Variants in ACTN3 observed in about 807,000 individuals in gnomAD.
The protein encoded by ACTN3 is actinin alpha 3.
Under a neutral mutation model 119.6 loss-of-function variants are expected in ACTN3, and 91 were observed. The ratio of observed to expected loss-of-function variants is 0.76; its 90% CI spans 0.64 to 0.91. The LOEUF is 0.91. Among genes scored for constraint, ACTN3 ranks in the 40% least tolerant of loss-of-function variants. ACTN3 has a pLI of 0.00. For missense variants in ACTN3, 1,221 were observed against 1,215.1 expected (o/e 1.00, Z -0.07); for synonymous variants, 456 against 478.8 (o/e 0.95, Z 0.62).
chr11:66,555,109 C>A, intron 5 of ACTN3, 21 bp from the exon 6 acceptor site: 2 of 1,612,816 alleles, frequency 1.2e-6, no homozygotes, highest in Non-Finnish European at 1.7e-6. Context: ...CAGGCCTGAC[C>A]CCCCTCTTCT....
intron 3 of ACTN3, among the ~76,000 whole-genome samples, chr11:66,552,870 TCTCTCTCTCTCACA>T (rs56928794): frequency 0.17 from 18,796 of 109,716 alleles, 1,224 homozygotes; most frequent in African/African-American, 0.2. Flanking sequence ...TCTCTCTCTC[TCTCTCTCTCTCACA>T]CACACACACA....
intron 8 of ACTN3, 82 bp from the exon 9 acceptor site, chr11:66,557,051 G>A (rs1437535179): frequency 3.2e-5 from 38 of 1,171,866 alleles, no homozygotes; most frequent in African/African-American, 3.0e-4. Flanking sequence ...GTGAGCCACC[G>A]CGCTCGGCGG....
At position 66,558,134 on chromosome 11, in the gene ACTN3, G is replaced by C; in HGVS notation, c.1236G>C (p.Lys412Asn). 1 of 1,613,890 alleles carries C rather than the reference G, an allele frequency of 6.2e-7. No individual in the cohort carries two copies. Among genetic ancestry groups the C allele is most frequent in the Admixed American group, 1.7e-5 (1 of 60,024 alleles). ...RLQRLQHLAE[K>N]FRQKASLHEA... Reference sequence around the variant, plus strand: ...AGCGACTCCAGCACCTGGCTGAGAAGTTCCGGCAGAAGGCCTCCCTGCACG... The same window carrying C: ...AGCGACTCCAGCACCTGGCTGAGAACTTCCGGCAGAAGGCCTCCCTGCACG... The change falls in exon 11 of 21, where the codon AAG becomes AAC. Residue 412 changes from lysine to asparagine, a missense_variant. Physicochemically the swap from Lys to Asn is moderately conservative, Grantham distance 94 (BLOSUM62 0). Coordinates refer to ENST00000513398, the MANE Select transcript of ACTN3 (RefSeq NM_001104.4).
chr11:66,551,442 A>T (rs908523380), intron 2 of ACTN3, 86 bp from the exon 3 acceptor site: 1 of 1,568,252 alleles, frequency 6.4e-7, no homozygotes, highest in South Asian at 1.2e-5. Context: ...GTTGGACGGG[A>T]CTTGGTGGGG....
chr11:66,557,776 C>T lies in ACTN3; in HGVS notation c.975C>T (p.Arg325=), dbSNP rs1446962405. ...AGCCCAGCATGAGTGCCATGCAGCG[C>T]AAACTAGAGGACTTTCGGGACTACC... is the stretch of plus-strand genomic sequence containing the variant. ...VGEPSMSAMQ[R]KLEDFRDYRR... is the part of the protein sequence containing the mutation. The change falls in exon 10 of 21, where the codon CGC becomes CGT. Residue 325 remains arginine, a synonymous_variant. Coordinates refer to ENST00000513398, the MANE Select transcript of ACTN3 (RefSeq NM_001104.4). 1.9e-6 allele frequency: 3 copies of T among 1,613,712 alleles called. No individual in the cohort carries two copies. Among genetic ancestry groups the T allele is most frequent in the Non-Finnish European group, 2.5e-6 (3 of 1,179,888 alleles).
chr11:66,553,255 C>T (rs1441106780), intron 3 of ACTN3, among the ~76,000 whole-genome samples: 1 of 149,766 alleles, frequency 6.7e-6, no homozygotes, highest in Non-Finnish European at 1.5e-5. Context: ...CTCTGTCACC[C>T]CCCAAAAAAT....
chr11:66,561,603 T>C lies in ACTN3; in HGVS notation c.2141T>C (p.Val714Ala). Residue 714 changes from valine to alanine, a missense_variant, in exon 17 of 21, where the codon GTG becomes GCG. Around this residue, in one of 3 missense-constraint regions of ACTN3, gnomAD observed 934 missense variants for 899.9 expected, o/e 1.04. Transcript: ENST00000513398. ...CACCAGCTGCTGCAGGAGAGCCTGG[T>C]GTTCGACAATAAGCACACCGTCTAC... ...GDHQLLQESLVFDNKHTVYSM... is the reference protein window; with the variant it reads ...GDHQLLQESLAFDNKHTVYSM... 1 of 1,612,842 alleles carries C rather than the reference T, an allele frequency of 6.2e-7. No individual in the cohort carries two copies. The highest frequency in any genetic ancestry group is 8.5e-7 in the Non-Finnish European group (1 of 1,179,516).
chr11:66,563,064 C>T lies in ACTN3; in HGVS notation c.2577C>T (p.Arg859=), dbSNP rs774677359. 2 of 1,612,478 alleles carry T rather than the reference C, an allele frequency of 1.2e-6. No homozygotes were observed. The highest frequency in any genetic ancestry group is 1.7e-5 in the Admixed American group (1 of 59,958). ...KNYITPEELR[R]ELPAKQAEYC... ...ACATCACCCCCGAGGAGCTGCGGCGCGAGCTCCCTGCCAAGCAGGCCGAGT... is the reference window on the plus strand; with the variant it reads ...ACATCACCCCCGAGGAGCTGCGGCGTGAGCTCCCTGCCAAGCAGGCCGAGT... Residue 859 remains arginine, a synonymous_variant, in exon 21 of 21, where the codon CGC becomes CGT. Transcript: ENST00000513398.
Position 66,562,157 on chromosome 11 carries a change from C to T in ACTN3, c.2311C>T (p.His771Tyr). 1 of 1,614,034 alleles carries T rather than the reference C, an allele frequency of 6.2e-7. No homozygotes were observed. ...CAACGAGTTCCGAGCATCCTTCAACCACTTTGACAGGGTCAGCAGGGGCCT... is the reference window on the plus strand; with the variant it reads ...CAACGAGTTCCGAGCATCCTTCAACTACTTTGACAGGGTCAGCAGGGGCCT... The part of the protein sequence containing the change: ...QLNEFRASFN[H>Y]FDRKQNGMME... The change falls in exon 18 of 21, where the codon CAC becomes TAC. Residue 771 changes from histidine (H) to tyrosine (Y), a missense_variant. By Grantham distance (83) the His-to-Tyr change is moderately conservative (BLOSUM62 2). Coordinates refer to ENST00000513398, the MANE Select transcript of ACTN3 (RefSeq NM_001104.4).
At chr11:66,560,784 C>T (rs956738324) in intron 15 of ACTN3, 29 bp downstream of exon 15, 1 of 1,585,626 alleles carries the variant, frequency 6.3e-7, no homozygotes, top group Middle Eastern at 1.7e-4. Flanking sequence ...CTTCCTCCCA[C>T]CCCCTCCTGC....
chr11:66,551,541 TAGGCCAGATAA>T lies in ACTN3; in HGVS notation c.281_291del (p.Pro94GlnfsTer11). 6.2e-7 allele frequency: 1 copy of T among 1,613,952 alleles called. No homozygotes were observed. The highest frequency in any genetic ancestry group is 1.1e-5 in the South Asian group (1 of 91,056). On this transcript the variant is annotated frameshift_variant, in exon 3 of 21. Coordinates refer to ENST00000513398, the MANE Select transcript of ACTN3 (RefSeq NM_001104.4). LOFTEE classifies it high-confidence loss of function. ...TCTTAAACCCAGGTGAGAGGCTGCC[TAGGCCAGATAA>T]AGGCAAGATGCGCTTCCACAAAATC...
Position 66,562,128 on chromosome 11 carries a change from A to G in ACTN3, c.2282A>G (p.Gln761Arg), listed in dbSNP as rs1229140121. 1.2e-6 allele frequency: 2 copies of G among 1,613,966 alleles called. No individual in the cohort carries two copies. Among genetic ancestry groups the G allele is most frequent in the Non-Finnish European group, 1.7e-6 (2 of 1,179,984 alleles). Residue 761 changes from glutamine (Q) to arginine (R), a missense_variant, in exon 18 of 21, where the codon CAG (glutamine) becomes CGG (arginine). This residue lies in a region of ACTN3 where 934 missense variants were observed against 899.9 expected (regional missense o/e 1.04). Transcript: ENST00000513398. The stretch of plus-strand genomic sequence containing the variant: ...GACGCCAAGGGACTGAGCCAGGAGC[A>G]GCTCAACGAGTTCCGAGCATCCTTC... The part of the protein sequence containing the change: ...TRDAKGLSQE[Q>R]LNEFRASFNH...
In ACTN3 at chr11:66,559,329, A is replaced by T; in HGVS notation, c.1370A>T (p.Asp457Val). The T allele has an allele frequency of 6.3e-7, 1 of 1,576,804 alleles. No individual in the cohort carries two copies. Among genetic ancestry groups the T allele is most frequent in the Middle Eastern group, 2.0e-4 (1 of 5,000 alleles). ...CGGCGCCACGAGGCCTTTGAGAGCG[A>T]CCTGGCGGCGCACCAGGACCGCGTG... ...LLRRHEAFES[D>V]LAAHQDRVEH... Residue 457 changes from aspartate to valine, a missense_variant, in exon 12 of 21, where the codon GAC (aspartate) becomes GTC (valine). Physicochemically the swap from Asp to Val is radical, Grantham distance 152 (BLOSUM62 -3). Around this residue, in one of 3 missense-constraint regions of ACTN3, gnomAD observed 934 missense variants for 899.9 expected, o/e 1.04. Coordinates refer to ENST00000513398, the MANE Select transcript of ACTN3 (RefSeq NM_001104.4).
intron 11 of ACTN3, 146 bp from the exon 12 acceptor site, chr11:66,559,090 C>A (rs1024954413): frequency 1.2e-6 from 1 of 827,272 alleles, no homozygotes; most frequent in Non-Finnish European, 1.7e-6. Context: ...TACGTTATTA[C>A]ACCGACGCCG....
At chr11:66,555,870 G>A (rs1208722671) in intron 7 of ACTN3, among the ~76,000 whole-genome samples, 9 of 152,204 alleles carry the variant, frequency 5.9e-5, no homozygotes, top group Non-Finnish European at 8.8e-5. Context: ...ATGAGACAGC[G>A]TGGACCAGTC....
At chr11:66,551,707 A>G in intron 3 of ACTN3, 60 bp downstream of exon 3, 1 of 1,601,460 alleles carries the variant, frequency 6.2e-7, no homozygotes, top group South Asian at 1.1e-5. Flanking sequence ...GACATCAGCA[A>G]ATCACCTCTG....
upstream of ACTN3, chr11:66,546,426 C>A: frequency 1.9e-6 from 2 of 1,035,562 alleles, no homozygotes; most frequent in South Asian, 1.6e-5. Flanking sequence ...CCAGCTGGCT[C>A]AGAGCCGTTC....
chr11:66,561,052 G>C, intron 15 of ACTN3, 175 bp from the exon 16 acceptor site: 1 of 427,856 alleles, frequency 2.3e-6, no homozygotes. Flanking sequence ...CCATTTTGCA[G>C]ATGAGAAAAC....
At chr11:66,554,456 C>CAAAAAA in intron 4 of ACTN3, 80 bp from the exon 5 acceptor site, 5 of 851,238 alleles carry the variant, frequency 5.9e-6, no homozygotes, top group South Asian at 1.9e-5. Flanking sequence ...GACCCTGTCT[C>CAAAAAA]AAAAAAAAAA....
Sources: allele counts gnomAD v4.1 joint callset (sites outside exome capture counted in the v4.1 genomes callset), GRCh38; gene constraint gnomAD v4.1.1; regional missense constraint gnomAD v4.1.1; transcripts MANE v1.5; gene names NCBI Gene and HGNC (gene_info 2026-07-23, HGNC 2026-07-21).